The following KCNK12 variants were observed in gnomAD, a reference collection of about 807,000 sequenced individuals.
The protein encoded by KCNK12 is potassium channel subfamily K member 12.
A neutral mutation model predicts 25.3 loss-of-function variants in KCNK12; 6 were observed. That is an observed-to-expected ratio of 0.24 (90% confidence interval 0.13 to 0.47). KCNK12 has a LOEUF of 0.47. Ranked by LOEUF, KCNK12 falls within the 20% of genes least tolerant of loss-of-function variation. The probability of loss-of-function intolerance (pLI) is 0.99; values close to 1 mark genes in which losing one functional copy is unlikely to be tolerated. For missense variants in KCNK12, 444 were observed against 661.7 expected, an observed-to-expected ratio of 0.67 and a Z score of 3.61; for synonymous variants, 331 against 311.1, an observed-to-expected ratio of 1.06 and a Z score of -0.67.
At chr2:47,526,559 TC>T (rs1436064872) in intron 1 of KCNK12, among the ~76,000 whole-genome samples, 1 of 151,936 alleles carries the variant, frequency 6.6e-6, no homozygotes, top group Non-Finnish European at 1.5e-5. Flanking sequence ...TTGGCGAAAC[TC>T]CGTTTATACT....
intron 1 of KCNK12, among the ~76,000 whole-genome samples, chr2:47,523,625 C>G (rs898178750): frequency 6.6e-6 from 1 of 152,226 alleles, no homozygotes; most frequent in Non-Finnish European, 1.5e-5. Context: ...GCAGCTCTGC[C>G]TCTCAACTGA....
In KCNK12 at chr2:47,514,730, C is replaced by A. The variant is rs923386759; in HGVS notation, c.*6177G>T. Among the ~76,000 whole-genome samples, 2 of 151,996 alleles carry A rather than the reference C, an allele frequency of 1.3e-5. No individual in the cohort carries two copies. Among genetic ancestry groups the A allele is most frequent in the Admixed American group, 1.3e-4 (2 of 15,266 alleles). On this transcript the variant is annotated 3_prime_UTR_variant, in exon 2 of 2. Transcript: ENST00000327876. The surrounding 1 kb of genome is among the most constrained non-coding windows in gnomAD (Gnocchi z 5.0). ...GGCTCAGGCGATCCTCCCACCTCAGCCCCCTGAGTCTCTTGGACTCCAGGC... is the reference window on the plus strand; with the variant it reads ...GGCTCAGGCGATCCTCCCACCTCAGACCCCTGAGTCTCTTGGACTCCAGGC...
chr2:47,526,808 T>C (rs1395583273), intron 1 of KCNK12, among the ~76,000 whole-genome samples: 1 of 152,216 alleles, frequency 6.6e-6, no homozygotes, highest in African/African-American at 2.4e-5. Flanking sequence ...CCCAAGATGT[T>C]AAGGAATCTA....
chr2:47,546,952 G>A (rs140373556), intron 1 of KCNK12, among the ~76,000 whole-genome samples: 1 of 152,140 alleles, frequency 6.6e-6, no homozygotes, highest in Non-Finnish European at 1.5e-5. Context: ...CTGCCCTGAA[G>A]AACCCTGGAG....
chr2:47,509,609 A>G lies in KCNK12; in HGVS notation c.*11298T>C, dbSNP rs1668351436. Among the ~76,000 whole-genome samples, 1 of 152,200 alleles carries G rather than the reference A, an allele frequency of 6.6e-6. No individual in the cohort carries two copies. The highest frequency in any genetic ancestry group is 1.5e-5 in the Non-Finnish European group (1 of 68,040). On this transcript the variant is annotated 3_prime_UTR_variant, in exon 2 of 2. Coordinates refer to ENST00000327876, the MANE Select transcript of KCNK12 (RefSeq NM_022055.2). ...CGAGGACTGTGGCATGACGTGCTGG[A>G]GTCACGATTCTGTCACCCAGTCAGG...
At position 47,514,308 on chromosome 2, in the gene KCNK12, G is replaced by A. The variant is rs539850464; in HGVS notation, c.*6599C>T. ...GCAGCCCAGAATGCCTGGTGGACAG[G>A]GAGCCCTCAGCAGGCCGTACTGCAG... is the stretch of plus-strand genomic sequence containing the variant. On this transcript the variant is annotated 3_prime_UTR_variant, in exon 2 of 2. Transcript: ENST00000327876. This position sits in a 1 kb window ranked among gnomAD's most constrained non-coding sequence, Gnocchi z 5.0. Among the ~76,000 whole-genome samples, 1 of 152,346 alleles carries A rather than the reference G, an allele frequency of 6.6e-6. No homozygotes were observed. The highest frequency in any genetic ancestry group is 1.9e-4 in the East Asian group (1 of 5,182).
In KCNK12 at chr2:47,509,832, C is replaced by T. The variant is rs1573611442; in HGVS notation, c.*11075G>A. Among the ~76,000 whole-genome samples, 1 of 152,204 alleles carries T rather than the reference C, an allele frequency of 6.6e-6. No homozygotes were observed. The highest frequency in any genetic ancestry group is 2.4e-5 in the African/African-American group (1 of 41,458). On this transcript the variant is annotated 3_prime_UTR_variant, in exon 2 of 2. Coordinates refer to ENST00000327876, the MANE Select transcript of KCNK12 (RefSeq NM_022055.2). The stretch of plus-strand genomic sequence containing the variant: ...TGTGTAAGGCCAGGGGACTTCCCCC[C>T]CACTCCCCAACCTGAGGCATGCACC...
chr2:47,539,880 A>C (rs1669159664), intron 1 of KCNK12, among the ~76,000 whole-genome samples: 1 of 152,226 alleles, frequency 6.6e-6, no homozygotes, highest in African/African-American at 2.4e-5. Context: ...CGTTTTCTTT[A>C]TCTCAGAGAG....
intron 1 of KCNK12, among the ~76,000 whole-genome samples, chr2:47,553,391 AT>A (rs1010758456): frequency 2.0e-5 from 3 of 152,216 alleles, no homozygotes; most frequent in Admixed American, 6.5e-5. Context: ...ATAGAGATAT[AT>A]AAGCTGTTTT....
chr2:47,512,665 C>G lies in KCNK12; in HGVS notation c.*8242G>C, dbSNP rs1031181749. Reference sequence around the variant, plus strand: ...GGGATGATGTGCCCTTGTACACCCACTGCCTCTGAACTCTGCTCTGCATTG... The same window carrying G: ...GGGATGATGTGCCCTTGTACACCCAGTGCCTCTGAACTCTGCTCTGCATTG... On this transcript the variant is annotated 3_prime_UTR_variant, in exon 2 of 2. Transcript: ENST00000327876. 1 of 512,934 alleles carries G rather than the reference C, an allele frequency of 1.9e-6. No homozygotes were observed. The highest frequency in any genetic ancestry group is 3.6e-5 in the Admixed American group (1 of 27,548). 31.8% of individuals were successfully genotyped at this position (512,934 alleles called of 1,614,324 possible).
In KCNK12 at chr2:47,548,358, G is replaced by T. The variant is rs1352817946; in HGVS notation, c.391+21583C>A. 1.3e-5 allele frequency among the ~76,000 whole-genome samples: 2 copies of T among 152,166 alleles called. No individual in the cohort carries two copies. Among genetic ancestry groups the T allele is most frequent in the Non-Finnish European group, 2.9e-5 (2 of 68,036 alleles). On this transcript the variant is annotated intron_variant, in intron 1 of 1. Coordinates refer to ENST00000327876, the MANE Select transcript of KCNK12 (RefSeq NM_022055.2). This position sits in a 1 kb window ranked among gnomAD's most constrained non-coding sequence, Gnocchi z 4.4. Reference sequence around the variant, plus strand: ...CACTATCTAACTGGCACCCGGCTTGGAAGTGGAAAAGTCATTTCAGAATTA... The same window carrying T: ...CACTATCTAACTGGCACCCGGCTTGTAAGTGGAAAAGTCATTTCAGAATTA...
Position 47,517,136 on chromosome 2 carries a change from CTTTTTGT to C in KCNK12, c.*3764_*3770del, listed in dbSNP as rs1668545464. 6.6e-6 allele frequency: 1 copy of C among 152,154 alleles called. No homozygotes were observed. The allele number at this position is 152,154 out of a possible 1,614,324, so 9.4% of individuals were successfully genotyped here. A position where few individuals can be genotyped will look rare whatever the true frequency, so the allele number is the denominator to read the frequency against. ...CAGACAGTGTGTATGTGGAATTGTG[CTTTTTGT>C]TTTTTAAGAATGTAAAAAGTTACAG... On this transcript the variant is annotated 3_prime_UTR_variant, in exon 2 of 2. Coordinates refer to ENST00000327876, the MANE Select transcript of KCNK12 (RefSeq NM_022055.2). This position sits in a 1 kb window ranked among gnomAD's most constrained non-coding sequence, Gnocchi z 4.1.
Position 47,531,641 on chromosome 2 carries a change from C to G in KCNK12, c.392-9833G>C, listed in dbSNP as rs117965051. On this transcript the variant is annotated intron_variant, in intron 1 of 1. Transcript: ENST00000327876. ...GGCCCATAGGAAACGTCCAGTGACTCTGGCTGATGGAGCAGGGGAATCTGT... is the reference window on the plus strand; with the variant it reads ...GGCCCATAGGAAACGTCCAGTGACTGTGGCTGATGGAGCAGGGGAATCTGT... Among the ~76,000 whole-genome samples, 26 of 152,234 alleles carry G rather than the reference C, an allele frequency of 1.7e-4. No individual in the cohort carries two copies. In the East Asian group the frequency reaches 4.6e-3, roughly 27 times the overall value.
chr2:47,532,373 ATTCTT>A (rs1459604590), intron 1 of KCNK12, among the ~76,000 whole-genome samples: 1 of 151,546 alleles, frequency 6.6e-6, no homozygotes, highest in African/African-American at 2.4e-5. Flanking sequence ...TTTAAAGTTT[ATTCTT>A]TGAGACAGGA....
intron 1 of KCNK12, among the ~76,000 whole-genome samples, chr2:47,552,620 T>C (rs1669461822): frequency 6.6e-6 from 1 of 151,834 alleles, no homozygotes; most frequent in Non-Finnish European, 1.5e-5. Flanking sequence ...ATACAAAAAT[T>C]AGCTGGGCAT....
Position 47,562,704 on chromosome 2 carries a change from A to G in KCNK12, c.391+7237T>C, listed in dbSNP as rs538502770. ...CCAAGGGGCTTCAGTACCCTTCTTCATTCTCTACCAGCACCTCCCCAACCT... is the reference window on the plus strand; with the variant it reads ...CCAAGGGGCTTCAGTACCCTTCTTCGTTCTCTACCAGCACCTCCCCAACCT... On this transcript the variant is annotated intron_variant, in intron 1 of 1. Coordinates refer to ENST00000327876, the MANE Select transcript of KCNK12 (RefSeq NM_022055.2). This position sits in a 1 kb window ranked among gnomAD's most constrained non-coding sequence, Gnocchi z 4.8. 53 of 233,136 alleles carry G rather than the reference A, an allele frequency of 2.3e-4. No individual in the cohort carries two copies. The highest frequency in any genetic ancestry group is 3.8e-4 in the Non-Finnish European group (45 of 118,012). The allele number at this position is 233,136 out of a possible 1,614,324, so 14.4% of individuals were successfully genotyped here.
rs191681497 is a variant in KCNK12 at position 47,537,484 on chromosome 2, C to T, written c.392-15676G>A. Among the ~76,000 whole-genome samples, 416 of 152,116 alleles carry T rather than the reference C, an allele frequency of 2.7e-3. 2 individuals are homozygous for T. Among genetic ancestry groups the T allele is most frequent in the South Asian group, 0.011 (51 of 4,798 alleles). On this transcript the variant is annotated intron_variant, in intron 1 of 1. Transcript: ENST00000327876. ...TAGCTGGGATTACAGGCGCCCACCA[C>T]GACGCCCAGCTAATTTTTATATTTT...
chr2:47,547,371 A>G lies in KCNK12; in HGVS notation c.391+22570T>C, dbSNP rs1364384218. On this transcript the variant is annotated intron_variant, in intron 1 of 1. Coordinates refer to ENST00000327876, the MANE Select transcript of KCNK12 (RefSeq NM_022055.2). The surrounding 1 kb of genome is among the most constrained non-coding windows in gnomAD (Gnocchi z 5.0). ...CAGTTGGTTAGGGCACAACCTGGGC[A>G]TCAAGGCTTAAAAACTCCCAGGTAA... Among the ~76,000 whole-genome samples, 1 of 152,240 alleles carries G rather than the reference A, an allele frequency of 6.6e-6. No homozygotes were observed. Among genetic ancestry groups the G allele is most frequent in the Non-Finnish European group, 1.5e-5 (1 of 68,032 alleles).
chr2:47,549,878 G>A (rs1273446401), intron 1 of KCNK12, among the ~76,000 whole-genome samples: 1 of 151,578 alleles, frequency 6.6e-6, no homozygotes, highest in Non-Finnish European at 1.5e-5. Context: ...AGGTTGCAGT[G>A]AGCTGAGATC....
Sources: allele counts gnomAD v4.1 joint callset (sites outside exome capture counted in the v4.1 genomes callset), GRCh38; gene constraint gnomAD v4.1.1; non-coding constraint Gnocchi (gnomAD v3.1); transcripts MANE v1.5; gene names NCBI Gene and HGNC (gene_info 2026-07-23, HGNC 2026-07-21).